WDR41: variants seen among roughly 807,000 people sequenced by gnomAD.
WDR41 encodes WD repeat domain 41.
Under a neutral mutation model 69.3 loss-of-function variants are expected in WDR41, and 63 were observed. The observed-to-expected ratio is 0.91, with a 90% CI of 0.74 to 1.12. The LOEUF (loss-of-function observed/expected upper bound fraction) is 1.12, where lower values mean the gene tolerates loss of function less well. Ranked by LOEUF, WDR41 falls within the 50% of genes most tolerant of loss-of-function variation. The pLI is 0.00. For synonymous variants in WDR41, 185 were observed against 192.1 expected, an observed-to-expected ratio of 0.96 and a Z score of 0.31; for missense variants, 543 against 534.5, an observed-to-expected ratio of 1.02 and a Z score of -0.16.
intron 3 of WDR41, among the ~76,000 whole-genome samples, chr5:77,464,223 T>G (rs1244855304): frequency 6.6e-6 from 1 of 151,928 alleles, no homozygotes; most frequent in Non-Finnish European, 1.5e-5. Flanking sequence ...AAGATTAAAA[T>G]TTTGTATTTT....
At chr5:77,551,158 G>A (rs1002531276) in intron 1 of WDR41, among the ~76,000 whole-genome samples, 2 of 152,002 alleles carry the variant, frequency 1.3e-5, no homozygotes, top group Non-Finnish European at 2.9e-5. Context: ...TCAGCATCAT[G>A]CTATGTACTC....
At chr5:77,597,474 G>A (rs1744247348) in intron 1 of WDR41, among the ~76,000 whole-genome samples, 1 of 152,196 alleles carries the variant, frequency 6.6e-6, no homozygotes, top group African/African-American at 2.4e-5. Flanking sequence ...AGTTTCATCA[G>A]AGTCGTGATT....
chr5:77,472,964 T>C (rs1444101262), intron 2 of WDR41, among the ~76,000 whole-genome samples: 4 of 152,158 alleles, frequency 2.6e-5, no homozygotes, highest in Non-Finnish European at 5.9e-5. Flanking sequence ...CATTGCCAAG[T>C]CAGTCCTAAG....
At chr5:77,517,038 A>G (rs539324867) in intron 1 of WDR41, among the ~76,000 whole-genome samples, 1 of 152,036 alleles carries the variant, frequency 6.6e-6, no homozygotes, top group South Asian at 2.1e-4. Context: ...AAGGAAAAAG[A>G]AAAAGAAAAA....
intron 8 of WDR41, among the ~76,000 whole-genome samples, chr5:77,449,437 A>T (rs1799534555): frequency 2.0e-5 from 3 of 152,204 alleles, no homozygotes; most frequent in Admixed American, 2.0e-4. Context: ...TCTACAAAAG[A>T]GGAACTAGCC....
rs1356458789 is a variant in WDR41, at chr5:77,466,567, A to G, written c.168-1758T>C. On this transcript the variant is annotated intron_variant, in intron 2 of 12. Coordinates refer to ENST00000296679, the MANE Select transcript of WDR41 (RefSeq NM_018268.4). The stretch of plus-strand genomic sequence containing the variant: ...TTTAACTTCTTATGATTGTTTTATC[A>G]TGTTTGACTTTCATGAGTTCACAAT... Among the ~76,000 whole-genome samples, 5 of 152,012 alleles carry G rather than the reference A, an allele frequency of 3.3e-5. No homozygotes were observed. The East Asian group carries it at 9.6e-4, about 29-fold the overall frequency.
At chr5:77,558,105 A>C (rs1386443045) in intron 1 of WDR41, among the ~76,000 whole-genome samples, 2 of 138,958 alleles carry the variant, frequency 1.4e-5, no homozygotes, top group Admixed American at 7.5e-5. Context: ...AAAAAAAAAA[A>C]AAAAAAAAAA....
intron 1 of WDR41, among the ~76,000 whole-genome samples, chr5:77,616,261 G>C (rs532694040): frequency 5.9e-5 from 9 of 152,088 alleles, no homozygotes; most frequent in Admixed American, 2.6e-4. Flanking sequence ...AGCATTCTCA[G>C]TAACTAGCCT....
At chr5:77,455,724 G>A (rs1799803060) in intron 5 of WDR41, among the ~76,000 whole-genome samples, 1 of 152,126 alleles carries the variant, frequency 6.6e-6, no homozygotes, top group South Asian at 2.1e-4. Flanking sequence ...TCCCATTAAA[G>A]GTTCTTGGCG....
At chr5:77,474,914 C>G (rs1800830852) in intron 2 of WDR41, among the ~76,000 whole-genome samples, 1 of 152,204 alleles carries the variant, frequency 6.6e-6, no homozygotes, top group African/African-American at 2.4e-5. Flanking sequence ...CCGGGTTCGT[C>G]TCACTAGGGA....
At chr5:77,557,707 C>T (rs1294321397) in intron 1 of WDR41, among the ~76,000 whole-genome samples, 2 of 151,944 alleles carry the variant, frequency 1.3e-5, no homozygotes, top group Non-Finnish European at 2.9e-5. Context: ...CCTACAGAAA[C>T]TCTTGCACAT....
At chr5:77,519,206 A>C (rs2112187657) in intron 1 of WDR41, among the ~76,000 whole-genome samples, 1 of 152,136 alleles carries the variant, frequency 6.6e-6, no homozygotes, top group East Asian at 1.9e-4. Flanking sequence ...CAGTAAAATA[A>C]ACTTGTTTAA....
intron 1 of WDR41, among the ~76,000 whole-genome samples, chr5:77,601,660 G>A (rs1176876683): frequency 6.6e-6 from 1 of 151,882 alleles, no homozygotes; most frequent in Middle Eastern, 3.2e-3. Context: ...TTTTCTAAAC[G>A]CAGCTACACT....
At chr5:77,488,980 A>G (rs1801645799) in intron 2 of WDR41, among the ~76,000 whole-genome samples, 1 of 152,196 alleles carries the variant, frequency 6.6e-6, no homozygotes, top group South Asian at 2.1e-4. Flanking sequence ...ATTATTATAC[A>G]TGTTAGCAAG....
chr5:77,619,228 A>G (rs934586968), intron 1 of WDR41, among the ~76,000 whole-genome samples: 1 of 152,234 alleles, frequency 6.6e-6, no homozygotes, highest in African/African-American at 2.4e-5. Context: ...CTAAAGTCAA[A>G]GTCGATATTG....
At chr5:77,446,787 A>G (rs1799402400) in intron 8 of WDR41, among the ~76,000 whole-genome samples, 2 of 152,180 alleles carry the variant, frequency 1.3e-5, no homozygotes, top group South Asian at 4.1e-4. Flanking sequence ...AAGATGAATT[A>G]AAGACTTAAT....
chr5:77,485,903 T>C (rs1229560131), intron 2 of WDR41, among the ~76,000 whole-genome samples: 9 of 152,010 alleles, frequency 5.9e-5, no homozygotes, highest in African/African-American at 2.2e-4. Context: ...AAGATGATAT[T>C]ATCTAAAGAC....
chr5:77,433,439 C>G, intron 12 of WDR41, 152 bp from the exon 13 acceptor site: 1 of 526,078 alleles, frequency 1.9e-6, no homozygotes, highest in Non-Finnish European at 3.1e-6. Flanking sequence ...ATTGGTAAGT[C>G]ACATACAAAT....
chr5:77,562,708 G>A (rs906547339), intron 1 of WDR41, among the ~76,000 whole-genome samples: 4 of 152,110 alleles, frequency 2.6e-5, no homozygotes, highest in African/African-American at 9.7e-5. Flanking sequence ...GACTACTAAA[G>A]GGTATTCCAT....
Sources: allele counts gnomAD v4.1 joint callset (sites outside exome capture counted in the v4.1 genomes callset), GRCh38; gene constraint gnomAD v4.1.1; transcripts MANE v1.5; gene names NCBI Gene and HGNC (gene_info 2026-07-23, HGNC 2026-07-21).